UGT1A3: variants seen among roughly 807,000 people sequenced by gnomAD.
UGT1A3 encodes UDP glucuronosyltransferase family 1 member A3.
UGT1A3 carries 31 observed loss-of-function variants against 41.0 expected under a neutral mutation model. The ratio of observed to expected loss-of-function variants is 0.76; its 90% confidence interval spans 0.57 to 1.02. The LOEUF (loss-of-function observed/expected upper bound fraction) is 1.02, where lower values mean the gene tolerates loss of function less well. Ranked by LOEUF, UGT1A3 falls within the 50% of genes least tolerant of loss-of-function variation. The pLI, the probability that UGT1A3 is intolerant of heterozygous loss-of-function variation, is 0.00. For synonymous variants in UGT1A3, 262 were observed against 257.6 expected (o/e 1.02, Z -0.17); for missense variants, 737 against 671.0 (o/e 1.10, Z -1.09).
chr2:233,772,994 C>G lies in UGT1A3; in HGVS notation c.*435C>G, dbSNP rs1700561362. The G allele has an allele frequency of 1.2e-5, 3 of 254,612 alleles. No homozygotes were observed. Among genetic ancestry groups the G allele is most frequent in the Admixed American group, 5.0e-5 (1 of 19,886 alleles). The allele number at this position is 254,612 out of a possible 1,614,324, so 15.8% of individuals were successfully genotyped here. On this transcript the variant is annotated 3_prime_UTR_variant, in exon 5 of 5. Transcript: ENST00000482026. Reference sequence around the variant, plus strand: ...AACCAATAATGGTCAGTCCTCATCTCTGTCGTGCTTCATAGGTGCCACCTT... The same window carrying G: ...AACCAATAATGGTCAGTCCTCATCTGTGTCGTGCTTCATAGGTGCCACCTT...
chr2:233,738,081 C>G (rs1343758433), intron 1 of UGT1A3, among the ~76,000 whole-genome samples: 1 of 152,154 alleles, frequency 6.6e-6, no homozygotes, highest in Non-Finnish European at 1.5e-5. Context: ...CTCCTAATCT[C>G]ATCATAGTGA....
At chr2:233,746,289 G>C (rs1163006960) in intron 1 of UGT1A3, among the ~76,000 whole-genome samples, 3 of 151,692 alleles carry the variant, frequency 2.0e-5, no homozygotes, top group Admixed American at 2.0e-4. Context: ...AAGGAAGGTG[G>C]CTTTGTTTCC....
At chr2:233,752,913 G>A (rs1372814851) in intron 1 of UGT1A3, among the ~76,000 whole-genome samples, 1 of 152,202 alleles carries the variant, frequency 6.6e-6, no homozygotes, top group East Asian at 1.9e-4. Context: ...CCACCTCTGA[G>A]TGACACTGGT....
intron 1 of UGT1A3, chr2:233,743,484 G>A (rs773869804): frequency 7.3e-7 from 1 of 1,367,080 alleles, no homozygotes; most frequent in Non-Finnish European, 9.8e-7. Flanking sequence ...GAAATTCACT[G>A]AAGGCAGAGA....
intron 1 of UGT1A3, among the ~76,000 whole-genome samples, chr2:233,750,399 C>A (rs1694444307): frequency 1.3e-5 from 2 of 151,914 alleles, no homozygotes; most frequent in African/African-American, 2.4e-5. Flanking sequence ...AAATTTGCAG[C>A]CTGACCATGT....
chr2:233,736,731 G>A (rs2078799563), intron 1 of UGT1A3, among the ~76,000 whole-genome samples: 1 of 151,600 alleles, frequency 6.6e-6, no homozygotes, highest in Non-Finnish European at 1.5e-5. Context: ...TGATGTTTAT[G>A]CTGTTCCTTT....
chr2:233,763,704 GA>G lies in UGT1A3; in HGVS notation c.868-3328del, dbSNP rs779879703. On this transcript the variant is annotated intron_variant, in intron 1 of 4. Transcript: ENST00000482026. ...AAAGATAAAACTTTTATTGCACAAA[GA>G]AGTCCATAGAGAAAGCACAACCTGG... Among the ~76,000 whole-genome samples the G allele has an allele frequency of 3.9e-5, 6 of 152,288 alleles. No individual in the cohort carries two copies. The South Asian group carries it at 1.2e-3, about 32-fold the overall frequency.
chr2:233,771,399 T>C (rs972051776), intron 4 of UGT1A3: 1 of 152,180 alleles, frequency 6.6e-6, no homozygotes, highest in African/African-American at 2.4e-5. Flanking sequence ...GATTGGGCAA[T>C]GAACACTGTC....
intron 1 of UGT1A3, among the ~76,000 whole-genome samples, chr2:233,759,163 C>T (rs28899472): frequency 0.024 from 3,618 of 152,322 alleles, 42 homozygotes; most frequent in Non-Finnish European, 0.031. Flanking sequence ...GAACACAAGG[C>T]AGGCAGGTTT....
chr2:233,742,782 C>G lies in UGT1A3; in HGVS notation c.867+12789C>G, dbSNP rs76952857. ...ATAATAAATGCATGTTGTTTTGAACCATCATTAAATTAAGCCAGAAGTATT... is the reference window on the plus strand; with the variant it reads ...ATAATAAATGCATGTTGTTTTGAACGATCATTAAATTAAGCCAGAAGTATT... On this transcript the variant is annotated intron_variant, in intron 1 of 4. Coordinates refer to ENST00000482026, the MANE Select transcript of UGT1A3 (RefSeq NM_019093.4). 2.0e-5 allele frequency: 3 copies of G among 152,908 alleles called. No individual in the cohort carries two copies. In the East Asian group the frequency reaches 5.8e-4, roughly 29 times the overall value. 9.5% of individuals were successfully genotyped at this position (152,908 alleles called of 1,614,324 possible). A position where few individuals can be genotyped will look rare whatever the true frequency, so the allele number is the denominator to read the frequency against.
At chr2:233,760,542 G>A in intron 1 of UGT1A3, 1 of 1,614,262 alleles carries the variant, frequency 6.2e-7, no homozygotes, top group Non-Finnish European at 8.5e-7. Flanking sequence ...CATTCCAAAG[G>A]GAGGATGTGA....
At chr2:233,734,977 G>T (rs2078594249) in intron 1 of UGT1A3, among the ~76,000 whole-genome samples, 1 of 152,188 alleles carries the variant, frequency 6.6e-6, no homozygotes, top group Non-Finnish European at 1.5e-5. Context: ...GTGCTGAGAA[G>T]AATGTATATT....
chr2:233,743,792 G>A (rs775660405), intron 1 of UGT1A3: 16 of 1,367,176 alleles, frequency 1.2e-5, no homozygotes, highest in East Asian at 4.6e-5. Context: ...TCTCCTCTCC[G>A]CTTCCTCCTT....
intron 1 of UGT1A3, chr2:233,752,610 TTAGC>T (rs1306337132): frequency 1.3e-5 from 2 of 152,180 alleles, no homozygotes; most frequent in Non-Finnish European, 2.9e-5. Flanking sequence ...TAAAAAAACA[TTAGC>T]TAGGTGTGGT....
At position 233,729,219 on chromosome 2, in the gene UGT1A3, G is replaced by A; in HGVS notation, c.93G>A (p.Val31=). The change falls in exon 1 of 5, where the codon GTG becomes GTA. Residue 31 remains valine, a synonymous_variant. Coordinates refer to ENST00000482026, the MANE Select transcript of UGT1A3 (RefSeq NM_019093.4). ...SVQPWAESGK[V]LVVPIDGSHW... ...AGCCCTGGGCTGAGAGTGGAAAGGT[G>A]TTGGTGGTGCCCATTGATGGCAGCC... is the stretch of plus-strand genomic sequence containing the variant. The A allele has an allele frequency of 6.2e-7, 1 of 1,614,156 alleles. No homozygotes were observed. Among genetic ancestry groups the A allele is most frequent in the Non-Finnish European group, 8.5e-7 (1 of 1,179,984 alleles).
intron 2 of UGT1A3, 118 bp from the exon 3 acceptor site, chr2:233,767,727 TCCTC>T (rs945662817): frequency 4.7e-5 from 73 of 1,556,206 alleles, no homozygotes; most frequent in Non-Finnish European, 6.3e-5. Context: ...CAGTTACTGA[TCCTC>T]CCACTCTGTT....
chr2:233,747,488 T>C lies in UGT1A3; in HGVS notation c.867+17495T>C. 5.0e-6 allele frequency: 8 copies of C among 1,608,972 alleles called. No homozygotes were observed. In the South Asian group the frequency reaches 8.8e-5, roughly 18 times the overall value. On this transcript the variant is annotated intron_variant, in intron 1 of 4. Coordinates refer to ENST00000482026, the MANE Select transcript of UGT1A3 (RefSeq NM_019093.4). Reference sequence around the variant, plus strand: ...GGACCCAGGATGAATTTGATCGCCTTGTGCTGGGCCACACTCAACTGTACT... The same window carrying C: ...GGACCCAGGATGAATTTGATCGCCTCGTGCTGGGCCACACTCAACTGTACT...
At chr2:233,734,584 T>C (rs1211494079) in intron 1 of UGT1A3, among the ~76,000 whole-genome samples, 1 of 152,216 alleles carries the variant, frequency 6.6e-6, no homozygotes, top group East Asian at 1.9e-4. Flanking sequence ...CTTGCTTATC[T>C]AGTTCTTTTA....
intron 1 of UGT1A3, among the ~76,000 whole-genome samples, chr2:233,750,390 A>T (rs1292559370): frequency 3.9e-5 from 6 of 151,942 alleles, no homozygotes; most frequent in Admixed American, 2.0e-4. Context: ...AAGTTTGGAA[A>T]ATTTGCAGCC....
Sources: allele counts gnomAD v4.1 joint callset (sites outside exome capture counted in the v4.1 genomes callset), GRCh38; gene constraint gnomAD v4.1.1; transcripts MANE v1.5; gene names NCBI Gene and HGNC (gene_info 2026-07-23, HGNC 2026-07-21).